LRRC7: variants seen among roughly 807,000 people sequenced by gnomAD.
LRRC7 encodes the protein leucine-rich repeat-containing protein 7.
LRRC7 carries 23 observed loss-of-function variants against 175.7 expected under a neutral mutation model. The ratio of observed to expected loss-of-function variants is 0.13; its 90% CI spans 0.09 to 0.19. LRRC7 has a LOEUF of 0.19. Ranked by LOEUF, LRRC7 falls within the 10% of genes least tolerant of loss-of-function variation. The pLI is 1.00. For synonymous variants in LRRC7, 685 were observed against 680.9 expected, an observed-to-expected ratio of 1.01 and a Z score of -0.09; for missense variants, 1,354 against 1,904.7, an observed-to-expected ratio of 0.71 and a Z score of 5.38.
At chr1:69,909,818 G>A (rs1646463621) in intron 7 of LRRC7, among the ~76,000 whole-genome samples, 1 of 152,050 alleles carries the variant, frequency 6.6e-6, no homozygotes, top group African/African-American at 2.4e-5. Context: ...ATGTTGGCCT[G>A]CCTTGCTAGA....
chr1:69,611,063 T>C (rs1044573108), intron 1 of LRRC7, among the ~76,000 whole-genome samples: 1 of 152,048 alleles, frequency 6.6e-6, no homozygotes, highest in African/African-American at 2.4e-5. Context: ...CATTGTGTTT[T>C]CATTCTCAAA....
intron 8 of LRRC7, among the ~76,000 whole-genome samples, chr1:69,959,188 T>A (rs549665238): frequency 3.9e-5 from 6 of 152,228 alleles, no homozygotes; most frequent in African/African-American, 1.4e-4. Context: ...CCAACAAATC[T>A]TCGGGCATTT....
chr1:69,653,877 A>G (rs1467786290), intron 1 of LRRC7, among the ~76,000 whole-genome samples: 1 of 152,040 alleles, frequency 6.6e-6, no homozygotes, highest in Non-Finnish European at 1.5e-5. Context: ...CAAATACTAA[A>G]TGTTTATACT....
intron 7 of LRRC7, chr1:69,919,595 G>C: frequency 1.2e-6 from 1 of 814,390 alleles, no homozygotes; most frequent in South Asian, 1.4e-5. Context: ...CCGGACCAAG[G>C]AGGAGGCCCT....
intron 8 of LRRC7, among the ~76,000 whole-genome samples, chr1:69,935,560 A>G (rs1055581828): frequency 1.3e-5 from 2 of 152,140 alleles, no homozygotes; most frequent in African/African-American, 4.8e-5. Flanking sequence ...TAAGTTGTCT[A>G]TCCCTGATTT....
chr1:69,793,706 C>T (rs1675393993), intron 4 of LRRC7, among the ~76,000 whole-genome samples: 1 of 151,814 alleles, frequency 6.6e-6, no homozygotes. Flanking sequence ...AATCTCCTTA[C>T]TAGAATTAAA....
At chr1:70,008,716 A>G (rs928174822) in intron 11 of LRRC7, among the ~76,000 whole-genome samples, 1 of 152,334 alleles carries the variant, frequency 6.6e-6, no homozygotes, top group East Asian at 1.9e-4. Flanking sequence ...CAAGAGCATT[A>G]TCCAATAGTT....
At chr1:70,075,352 G>A (rs180731704) in intron 23 of LRRC7, among the ~76,000 whole-genome samples, 19 of 152,254 alleles carry the variant, frequency 1.2e-4, no homozygotes, top group African/African-American at 3.6e-4. Flanking sequence ...GGGTATGATC[G>A]TATCATTTAA....
intron 1 of LRRC7, among the ~76,000 whole-genome samples, chr1:69,651,036 G>A (rs1655752550): frequency 6.6e-6 from 1 of 152,138 alleles, no homozygotes; most frequent in Non-Finnish European, 1.5e-5. Context: ...AGACAGTTTG[G>A]CATGTCTAGA....
intron 2 of LRRC7, among the ~76,000 whole-genome samples, chr1:69,751,429 A>G (rs1475456339): frequency 6.6e-6 from 1 of 152,154 alleles, no homozygotes; most frequent in African/African-American, 2.4e-5. Context: ...CTGAATGGTA[A>G]AGAAAGGAAA....
At chr1:69,688,661 G>A (rs1217935801) in intron 2 of LRRC7, among the ~76,000 whole-genome samples, 1 of 146,708 alleles carries the variant, frequency 6.8e-6, no homozygotes, top group African/African-American at 2.5e-5. Flanking sequence ...AAACCTCTTA[G>A]AAGCCTTAGG....
intron 18 of LRRC7, among the ~76,000 whole-genome samples, chr1:70,029,046 T>C (rs1478027956): frequency 6.6e-6 from 1 of 152,158 alleles, no homozygotes; most frequent in Admixed American, 6.6e-5. Flanking sequence ...TCTGAGTACA[T>C]CTGTAAGTTC....
intron 8 of LRRC7, among the ~76,000 whole-genome samples, chr1:69,956,649 C>A (rs1205788011): frequency 6.6e-6 from 1 of 151,200 alleles, no homozygotes; most frequent in Non-Finnish European, 1.5e-5. Flanking sequence ...TCTATTCTAA[C>A]CTGATACCTA....
chr1:70,131,368 C>T lies in LRRC7; in HGVS notation c.*9481C>T, dbSNP rs568190799. Among the ~76,000 whole-genome samples, 3 of 152,288 alleles carry T rather than the reference C, an allele frequency of 2.0e-5. No individual in the cohort carries two copies. In the East Asian group the frequency reaches 5.8e-4, roughly 29 times the overall value. ...GTTGGTAAGCTCCTAACCACAATCC[C>T]TTTATTACCTCATGGGACCTTAATT... On this transcript the variant is annotated 3_prime_UTR_variant, in exon 27 of 27. Coordinates refer to ENST00000651989, the MANE Select transcript of LRRC7 (RefSeq NM_001370785.2).
Position 70,124,902 on chromosome 1 carries a change from G to A in LRRC7, c.*3015G>A, listed in dbSNP as rs181701636. Among the ~76,000 whole-genome samples the A allele has an allele frequency of 9.8e-5, 15 of 152,288 alleles. No homozygotes were observed. The highest frequency in any genetic ancestry group is 3.4e-4 in the African/African-American group (14 of 41,562). On this transcript the variant is annotated 3_prime_UTR_variant, in exon 27 of 27. Coordinates refer to ENST00000651989, the MANE Select transcript of LRRC7 (RefSeq NM_001370785.2). ...GATAAGTCAGTAAGATCTAATGGAG[G>A]AGACTGAGAAACATTAGAGGTAGAA...
intron 8 of LRRC7, among the ~76,000 whole-genome samples, chr1:69,968,334 G>A (rs114677444): frequency 3.3e-4 from 50 of 152,058 alleles, no homozygotes; most frequent in Non-Finnish European, 6.5e-4. Flanking sequence ...TAAGAATAAT[G>A]TATTCCTGAG....
chr1:69,976,110 C>T (rs1367128686), intron 8 of LRRC7, among the ~76,000 whole-genome samples: 1 of 152,046 alleles, frequency 6.6e-6, no homozygotes, highest in African/African-American at 2.4e-5. Flanking sequence ...ATAGTTATCA[C>T]CTGAAATGTC....
chr1:70,133,645 A>G lies in LRRC7; in HGVS notation c.*11758A>G, dbSNP rs1558095528. 6.6e-6 allele frequency among the ~76,000 whole-genome samples: 1 copy of G among 152,200 alleles called. No homozygotes were observed. The highest frequency in any genetic ancestry group is 2.4e-5 in the African/African-American group (1 of 41,448). ...GCTTTGAGCTTATTTTAGGCAGTTT[A>G]TATGTTTTTTTACTAAACCTCTCAG... is the stretch of plus-strand genomic sequence containing the variant. On this transcript the variant is annotated 3_prime_UTR_variant, in exon 27 of 27. Coordinates refer to ENST00000651989, the MANE Select transcript of LRRC7 (RefSeq NM_001370785.2).
chr1:69,817,371 A>G (rs943052967), intron 4 of LRRC7, among the ~76,000 whole-genome samples: 1 of 151,990 alleles, frequency 6.6e-6, no homozygotes, highest in African/African-American at 2.4e-5. Flanking sequence ...TAGTTTTCTC[A>G]GCACCATTTG....
Sources: gnomAD v4.1 joint callset for allele counts (sites outside exome capture counted in the v4.1 genomes callset) on GRCh38, gnomAD v4.1.1 for gene constraint, MANE v1.5 for transcripts, NCBI Gene and HGNC (gene_info 2026-07-23, HGNC 2026-07-21) for gene names.